The following TFDP2 variants were observed in gnomAD, a reference collection of about 807,000 sequenced individuals.
The protein encoded by TFDP2 is transcription factor Dp-2, also known as transcription factor Dp-2 (E2F dimerization partner 2).
TFDP2 carries 17 observed loss-of-function variants against 59.3 expected under a neutral mutation model. The observed-to-expected ratio is 0.29, with a 90% CI of 0.20 to 0.43. TFDP2 has a LOEUF of 0.43. TFDP2 is among the 20% of genes least tolerant of loss of function. The pLI is 1.00. For synonymous variants in TFDP2, 180 were observed against 194.7 expected (o/e 0.92, Z 0.63); for missense variants, 391 against 528.8 (o/e 0.74, Z 2.56).
intron 9 of TFDP2, among the ~76,000 whole-genome samples, chr3:141,966,651 C>T (rs1938116208): frequency 6.6e-6 from 1 of 151,608 alleles, no homozygotes; most frequent in African/African-American, 2.4e-5. Context: ...GGCTGAACAG[C>T]TTTAAGTGTG....
intron 1 of TFDP2, among the ~76,000 whole-genome samples, chr3:142,148,376 G>A (rs1462796106): frequency 6.6e-6 from 1 of 152,176 alleles, no homozygotes; most frequent in Non-Finnish European, 1.5e-5. Context: ...AAATAATATA[G>A]GGTCTTTTTC....
chr3:142,054,922 A>C (rs771752784), intron 3 of TFDP2, among the ~76,000 whole-genome samples: 1 of 152,196 alleles, frequency 6.6e-6, no homozygotes, highest in South Asian at 2.1e-4. Flanking sequence ...ACCTCCAGAG[A>C]CGTGAAGGGC....
chr3:142,046,012 C>T (rs1370084095), intron 3 of TFDP2, among the ~76,000 whole-genome samples: 2 of 152,108 alleles, frequency 1.3e-5, no homozygotes, highest in Non-Finnish European at 2.9e-5. Flanking sequence ...ATTAAAGATC[C>T]CTTTGAGGAT....
At chr3:142,000,314 G>T (rs757474826) in intron 4 of TFDP2, 4 of 702,794 alleles carry the variant, frequency 5.7e-6, no homozygotes, top group Non-Finnish European at 1.0e-5. Context: ...CCTGGTGAGG[G>T]TTTATTCTCT....
chr3:141,960,309 T>G (rs1014731380), intron 10 of TFDP2, among the ~76,000 whole-genome samples: 8 of 152,228 alleles, frequency 5.3e-5, no homozygotes, highest in Non-Finnish European at 7.3e-5. Flanking sequence ...AATAGAAGAC[T>G]TTCAACAAGT....
chr3:142,019,930 G>A (rs1307561622), intron 3 of TFDP2, among the ~76,000 whole-genome samples: 1 of 152,160 alleles, frequency 6.6e-6, no homozygotes, highest in Non-Finnish European at 1.5e-5. Context: ...TTCCACAAAA[G>A]AATAAGCTGA....
At chr3:141,982,698 G>T (rs545453739) in intron 6 of TFDP2, among the ~76,000 whole-genome samples, 1 of 152,182 alleles carries the variant, frequency 6.6e-6, no homozygotes, top group African/African-American at 2.4e-5. Flanking sequence ...ATATTTAAAG[G>T]AAGAAACTAA....
At chr3:142,111,561 C>A (rs1052164067) in intron 1 of TFDP2, among the ~76,000 whole-genome samples, 1 of 150,558 alleles carries the variant, frequency 6.6e-6, no homozygotes, top group African/African-American at 2.4e-5. Flanking sequence ...AAAAAACACA[C>A]AAACTGAGTA....
At chr3:141,994,505 G>A (rs955396971) in intron 5 of TFDP2, 2 of 152,158 alleles carry the variant, frequency 1.3e-5, no homozygotes. Flanking sequence ...GAAACATATA[G>A]AAGTTTGTAC....
intron 1 of TFDP2, among the ~76,000 whole-genome samples, chr3:142,117,203 G>A (rs1245393051): frequency 6.6e-6 from 1 of 152,136 alleles, no homozygotes; most frequent in Non-Finnish European, 1.5e-5. Flanking sequence ...TTACAGGCAT[G>A]AGCCACTGCA....
At chr3:142,105,371 T>C (rs554345661) in intron 1 of TFDP2, among the ~76,000 whole-genome samples, 117 of 152,284 alleles carry the variant, frequency 7.7e-4, no homozygotes, top group Middle Eastern at 6.8e-3. Flanking sequence ...GGGCTAACCA[T>C]ATCACAGATA....
Position 142,031,472 on chromosome 3 carries a change from T to C in TFDP2, c.83-25928A>G, listed in dbSNP as rs564675613. 2.3e-4 allele frequency among the ~76,000 whole-genome samples: 35 copies of C among 152,310 alleles called. No homozygotes were observed. In the South Asian group the frequency reaches 7.0e-3, roughly 31 times the overall value. On this transcript the variant is annotated intron_variant, in intron 3 of 12. Transcript: ENST00000489671. ...CTTTACTCATACTACACCCCTTCAA[T>C]CTGCTCTGATGTCTTTCTTGGCACG... is the stretch of plus-strand genomic sequence containing the variant.
intron 1 of TFDP2, among the ~76,000 whole-genome samples, chr3:142,140,121 T>C (rs2062888638): frequency 6.6e-6 from 1 of 152,196 alleles, no homozygotes; most frequent in Non-Finnish European, 1.5e-5. Flanking sequence ...TAATTTGATC[T>C]TTAATCACTG....
chr3:142,071,378 G>A (rs958523463), intron 3 of TFDP2, among the ~76,000 whole-genome samples: 2 of 152,028 alleles, frequency 1.3e-5, no homozygotes, highest in African/African-American at 4.8e-5. Flanking sequence ...GGCTGGTCTC[G>A]AACTCCTGAC....
chr3:141,982,886 C>A (rs1941639679), intron 6 of TFDP2, among the ~76,000 whole-genome samples: 1 of 152,124 alleles, frequency 6.6e-6, no homozygotes, highest in South Asian at 2.1e-4. Context: ...AGTAAACTAT[C>A]AGATACATAT....
At position 142,106,490 on chromosome 3, in the gene TFDP2, T is replaced by C. The variant is rs112687984; in HGVS notation, c.-92-4649A>G. ...GTCTTTAATCTATAAATTATTTGCA[T>C]TGTATGACTTAAACTTTCCAAAGTG... On this transcript the variant is annotated intron_variant, in intron 1 of 12. Transcript: ENST00000489671. Among the ~76,000 whole-genome samples, 697 of 152,332 alleles carry C rather than the reference T, an allele frequency of 4.6e-3. 5 individuals carry two copies. The highest frequency in any genetic ancestry group is 0.016 in the African/African-American group (650 of 41,568).
At chr3:142,041,744 C>T (rs974304796) in intron 3 of TFDP2, among the ~76,000 whole-genome samples, 1 of 152,166 alleles carries the variant, frequency 6.6e-6, no homozygotes, top group African/African-American at 2.4e-5. Flanking sequence ...AAAATCATTG[C>T]CAAACCCAAG....
chr3:142,118,474 A>C (rs756487518), intron 1 of TFDP2, among the ~76,000 whole-genome samples: 2 of 152,352 alleles, frequency 1.3e-5, no homozygotes, highest in Middle Eastern at 3.4e-3. Flanking sequence ...GATATGAAGA[A>C]GACCTTGAAT....
At chr3:142,079,302 CAAAAACA>C (rs1043641593) in intron 3 of TFDP2, among the ~76,000 whole-genome samples, 2 of 151,384 alleles carry the variant, frequency 1.3e-5, no homozygotes, top group African/African-American at 4.8e-5. Flanking sequence ...GACTCCATCT[CAAAAACA>C]AAAAACAAAA....
Sources: gnomAD v4.1 joint callset for allele counts (sites outside exome capture counted in the v4.1 genomes callset) on GRCh38, gnomAD v4.1.1 for gene constraint, MANE v1.5 for transcripts, NCBI Gene and HGNC (gene_info 2026-07-23, HGNC 2026-07-21) for gene names.